Variants in THAP4 observed in about 807,000 individuals in gnomAD.
THAP4 encodes peroxynitrite isomerase THAP4.
In THAP4, 18 loss-of-function variants were observed where a neutral mutation model predicts 48.1. The ratio of observed to expected loss-of-function variants is 0.37; its 90% CI spans 0.26 to 0.56. The LOEUF (loss-of-function observed/expected upper bound fraction) is 0.56. THAP4 is among the 20% of genes least tolerant of loss of function. The probability of loss-of-function intolerance (pLI) is 0.78; values close to 1 mark genes in which losing one functional copy is unlikely to be tolerated. For synonymous variants in THAP4, 345 were observed against 324.9 expected (o/e 1.06, Z -0.66); for missense variants, 656 against 774.9 (o/e 0.85, Z 1.82).
chr2:241,593,436 G>A (rs983166510), intron 5 of THAP4, among the ~76,000 whole-genome samples: 2 of 152,146 alleles, frequency 1.3e-5, no homozygotes, highest in South Asian at 2.1e-4. Context: ...GCATGAATCC[G>A]CAGGAGAAAG....
intron 2 of THAP4, among the ~76,000 whole-genome samples, chr2:241,618,302 A>C (rs977019364): frequency 6.6e-6 from 1 of 152,254 alleles, no homozygotes; most frequent in African/African-American, 2.4e-5. Flanking sequence ...TATTTCTATA[A>C]AATATAAAAA....
At chr2:241,618,394 G>C (rs1471814134) in intron 2 of THAP4, among the ~76,000 whole-genome samples, 1 of 152,190 alleles carries the variant, frequency 6.6e-6, no homozygotes, top group Non-Finnish European at 1.5e-5. Flanking sequence ...AGAACTATTA[G>C]AATCTACAAG....
intron 2 of THAP4, among the ~76,000 whole-genome samples, chr2:241,618,057 T>C (rs2067370165): frequency 6.6e-6 from 1 of 152,190 alleles, no homozygotes; most frequent in Non-Finnish European, 1.5e-5. Context: ...CACTTACTGC[T>C]TAGTACAACA....
At chr2:241,625,881 A>C (rs2125095057) in intron 2 of THAP4, among the ~76,000 whole-genome samples, 1 of 152,118 alleles carries the variant, frequency 6.6e-6, no homozygotes, top group Middle Eastern at 3.4e-3. Context: ...AAAATCTCTA[A>C]GAAAACATTT....
At chr2:241,593,601 G>A (rs1463795711) in intron 5 of THAP4, among the ~76,000 whole-genome samples, 1 of 152,240 alleles carries the variant, frequency 6.6e-6, no homozygotes, top group East Asian at 1.9e-4. Flanking sequence ...CCGTGGCGTG[G>A]CCTGAGTGTC....
intron 2 of THAP4, among the ~76,000 whole-genome samples, chr2:241,614,399 T>C (rs1414091498): frequency 1.3e-5 from 2 of 152,146 alleles, no homozygotes; most frequent in South Asian, 2.1e-4. Context: ...CCGTGAGGGA[T>C]ACTCATGCAC....
At chr2:241,602,279 C>T (rs1189699610) in intron 4 of THAP4, 1 of 484,864 alleles carries the variant, frequency 2.1e-6, no homozygotes, top group Non-Finnish European at 3.7e-6. Flanking sequence ...CAGAACCACC[C>T]CTAGCACATA....
intron 2 of THAP4, among the ~76,000 whole-genome samples, chr2:241,631,459 A>G (rs2067560145): frequency 6.6e-6 from 1 of 152,194 alleles, no homozygotes; most frequent in Non-Finnish European, 1.5e-5. Flanking sequence ...TATACATACA[A>G]AGATTACACA....
upstream of THAP4, chr2:241,637,505 C>A (rs1369699722): frequency 7.0e-7 from 1 of 1,438,770 alleles, no homozygotes; most frequent in South Asian, 1.4e-5. Context: ...CACGACACGA[C>A]CCCATGCCGC....
intron 1 of THAP4, 37 bp downstream of exon 1, chr2:241,636,904 G>T: frequency 8.7e-7 from 1 of 1,153,438 alleles, no homozygotes; most frequent in Non-Finnish European, 1.1e-6. Flanking sequence ...GCAGGGCCGG[G>T]TCGGGGCGGG....
At chr2:241,613,775 A>G (rs148730905) in intron 2 of THAP4, among the ~76,000 whole-genome samples, 2,275 of 152,204 alleles carry the variant, frequency 0.015, 51 homozygotes, top group African/African-American at 0.053. Context: ...CAAAAACAAA[A>G]CAAAAAAAAG....
chr2:241,605,126 C>T (rs1490205753), intron 3 of THAP4, among the ~76,000 whole-genome samples: 1 of 152,036 alleles, frequency 6.6e-6, no homozygotes, highest in African/African-American at 2.4e-5. Context: ...TTTGTATTAC[C>T]CAGAATTCTC....
At position 241,610,449 on chromosome 2, in the gene THAP4, C is replaced by T. The variant is rs1408308052; in HGVS notation, c.1241-3976G>A. Among the ~76,000 whole-genome samples, 2 of 152,178 alleles carry T rather than the reference C, an allele frequency of 1.3e-5. No individual in the cohort carries two copies. Among genetic ancestry groups the T allele is most frequent in the Non-Finnish European group, 2.9e-5 (2 of 68,012 alleles). On this transcript the variant is annotated intron_variant, in intron 2 of 5. Transcript: ENST00000407315. This position sits in a 1 kb window ranked among gnomAD's most constrained non-coding sequence, Gnocchi z 4.2. ...CTGGGCGGCGCTGGGCGGTGGGGCGCGCTCACTGGCTGCCACCTCACCTAG... is the reference window on the plus strand; with the variant it reads ...CTGGGCGGCGCTGGGCGGTGGGGCGTGCTCACTGGCTGCCACCTCACCTAG...
At position 241,633,643 on chromosome 2, in the gene THAP4, C is replaced by T. The variant is rs985251648; in HGVS notation, c.514G>A (p.Glu172Lys). 9.3e-6 allele frequency: 15 copies of T among 1,612,704 alleles called. No homozygotes were observed. Among genetic ancestry groups the T allele is most frequent in the African/African-American group, 2.7e-5 (2 of 75,046 alleles). The change falls in exon 2 of 6, where the codon GAA becomes AAA. Residue 172 changes from glutamate (E) to lysine (K), a missense_variant. This residue lies in a region of THAP4 where 391 missense variants were observed against 412.4 expected (regional missense o/e 0.95). Coordinates refer to ENST00000407315, the MANE Select transcript of THAP4 (RefSeq NM_015963.6). This position sits in a 1 kb window ranked among gnomAD's most constrained non-coding sequence, Gnocchi z 7.5. ...ASQEQAQQAL[E>K]RTPGDGLATM... ...GCCAGTCCATCTCCTGGAGTCCGTT[C>T]CAGAGCTTGCTGGGCCTGCTCCTGG...
chr2:241,604,060 T>C (rs144404256), intron 3 of THAP4, among the ~76,000 whole-genome samples: 106 of 151,912 alleles, frequency 7.0e-4, no homozygotes, highest in Non-Finnish European at 1.3e-3. Context: ...TGAGTTTCTA[T>C]AGGGAATCCA....
At chr2:241,624,970 T>C (rs920480543) in intron 2 of THAP4, among the ~76,000 whole-genome samples, 2 of 152,202 alleles carry the variant, frequency 1.3e-5, no homozygotes, top group African/African-American at 2.4e-5. Context: ...AGAGACTAAA[T>C]ATATTTTTTT....
In THAP4 at chr2:241,637,039, G is replaced by A. The variant is rs760417719; in HGVS notation, c.-22C>T. 3.2e-6 allele frequency: 4 copies of A among 1,237,368 alleles called. No individual in the cohort carries two copies. The highest frequency in any genetic ancestry group is 1.6e-5 in the African/African-American group (1 of 62,944). 76.6% of individuals were successfully genotyped at this position (1,237,368 alleles called of 1,614,324 possible). On this transcript the variant is annotated 5_prime_UTR_variant, in exon 1 of 6. Coordinates refer to ENST00000407315, the MANE Select transcript of THAP4 (RefSeq NM_015963.6). Reference sequence around the variant, plus strand: ...CCATCGCGGGCCTTGGCCCAGCCGCGCAGCCAGGCCCCGGCCCTAGCCGCC... The same window carrying A: ...CCATCGCGGGCCTTGGCCCAGCCGCACAGCCAGGCCCCGGCCCTAGCCGCC...
chr2:241,595,355 C>T (rs1217872353), intron 5 of THAP4, among the ~76,000 whole-genome samples: 1 of 152,010 alleles, frequency 6.6e-6, no homozygotes, highest in African/African-American at 2.4e-5. Flanking sequence ...ATACATGAGA[C>T]AGCCGGGTGC....
chr2:241,603,931 C>T (rs184531857), intron 3 of THAP4, among the ~76,000 whole-genome samples: 1 of 151,684 alleles, frequency 6.6e-6, no homozygotes, highest in Non-Finnish European at 1.5e-5. Flanking sequence ...TCGGGTAGAT[C>T]TCTTGAGCCT....
Sources: gnomAD v4.1 joint callset for allele counts (sites outside exome capture counted in the v4.1 genomes callset) on GRCh38, gnomAD v4.1.1 for gene constraint, gnomAD v4.1.1 regional missense constraint, Gnocchi (gnomAD v3.1) non-coding constraint, MANE v1.5 for transcripts, NCBI Gene and HGNC (gene_info 2026-07-23, HGNC 2026-07-21) for gene names.